SLC26A7: variants seen among roughly 807,000 people sequenced by gnomAD.
The protein encoded by SLC26A7 is anion exchange transporter.
SLC26A7 carries 59 observed loss-of-function variants against 82.5 expected under a neutral mutation model. The ratio of observed to expected loss-of-function variants is 0.72; its 90% confidence interval spans 0.58 to 0.89. SLC26A7 has a LOEUF of 0.89. SLC26A7 is among the 40% of genes least tolerant of loss of function. The pLI, the probability that SLC26A7 is intolerant of heterozygous loss-of-function variation, is 0.00. For synonymous variants in SLC26A7, 271 were observed against 274.3 expected, an observed-to-expected ratio of 0.99 and a Z score of 0.12; for missense variants, 820 against 793.0, an observed-to-expected ratio of 1.03 and a Z score of -0.41.
intron 2 of SLC26A7, among the ~76,000 whole-genome samples, chr8:91,258,902 G>A (rs995702737): frequency 6.6e-6 from 1 of 152,054 alleles, no homozygotes; most frequent in Admixed American, 6.6e-5. Context: ...TTTGAGTTAG[G>A]TAGTGGAAAC....
intron 1 of SLC26A7, among the ~76,000 whole-genome samples, chr8:91,215,484 T>A (rs2130653754): frequency 6.6e-6 from 1 of 152,294 alleles, no homozygotes; most frequent in East Asian, 1.9e-4. Flanking sequence ...CAAAGAGTAA[T>A]ATTTGAATTT....
Position 91,340,428 on chromosome 8 carries a change from G to T in SLC26A7, c.903G>T (p.Pro301=), listed in dbSNP as rs1011789965. The change falls in exon 8 of 19, where the codon CCG becomes CCT. Residue 301 remains proline, a synonymous_variant. Coordinates refer to ENST00000276609, the MANE Select transcript of SLC26A7 (RefSeq NM_052832.4). ...PQGIPSPRAP[P]MNILSAVITE... ...GAATTCCCTCACCTAGAGCTCCCCC[G>T]ATGAACATCCTCTCTGCGGTGATCA... 6.2e-7 allele frequency: 1 copy of T among 1,613,860 alleles called. No individual in the cohort carries two copies. Among genetic ancestry groups the T allele is most frequent in the Non-Finnish European group, 8.5e-7 (1 of 1,179,862 alleles).
chr8:91,332,609 C>T (rs940083794), intron 5 of SLC26A7, among the ~76,000 whole-genome samples: 1 of 150,160 alleles, frequency 6.7e-6, no homozygotes, highest in African/African-American at 2.5e-5. Context: ...CTCACTGTAA[C>T]CTAGAACTCC....
intron 3 of SLC26A7, among the ~76,000 whole-genome samples, chr8:91,289,465 T>A (rs1232850021): frequency 6.6e-6 from 1 of 152,192 alleles, no homozygotes; most frequent in East Asian, 1.9e-4. Context: ...TTCTTTGCAT[T>A]TTTGAGTTGC....
At chr8:91,239,391 A>ATAT (rs1385660578) in intron 2 of SLC26A7, among the ~76,000 whole-genome samples, 35 of 105,230 alleles carry the variant, frequency 3.3e-4, no homozygotes, top group African/African-American at 1.1e-3. Flanking sequence ...AAAAAAAAAA[A>ATAT]AAAAATATAT....
intron 1 of SLC26A7, among the ~76,000 whole-genome samples, chr8:91,217,694 A>C (rs1428788123): frequency 6.6e-6 from 1 of 152,196 alleles, no homozygotes; most frequent in African/African-American, 2.4e-5. Flanking sequence ...AGTTGCCCAA[A>C]GGAAAAACAG....
At chr8:91,277,114 T>C (rs1811427541) in intron 2 of SLC26A7, among the ~76,000 whole-genome samples, 1 of 152,182 alleles carries the variant, frequency 6.6e-6, no homozygotes. Flanking sequence ...CTTCCAGTGA[T>C]TTCTTCATTG....
intron 2 of SLC26A7, among the ~76,000 whole-genome samples, chr8:91,222,231 A>C (rs2130664612): frequency 6.6e-6 from 1 of 152,268 alleles, no homozygotes; most frequent in South Asian, 2.1e-4. Flanking sequence ...TTGTATCCTG[A>C]GACTGCTGAA....
intron 5 of SLC26A7, among the ~76,000 whole-genome samples, chr8:91,323,286 C>A (rs1349854651): frequency 6.6e-6 from 1 of 152,124 alleles, no homozygotes; most frequent in East Asian, 1.9e-4. Context: ...GAAGATGTGG[C>A]AGGTTTAATT....
At chr8:91,239,912 G>A (rs1025596241) in intron 2 of SLC26A7, among the ~76,000 whole-genome samples, 6 of 152,150 alleles carry the variant, frequency 3.9e-5, no homozygotes, top group African/African-American at 1.4e-4. Flanking sequence ...CGTTTTTAAT[G>A]TATTAAGACA....
intron 2 of SLC26A7, among the ~76,000 whole-genome samples, chr8:91,241,805 C>T (rs1043557084): frequency 1.3e-5 from 2 of 152,102 alleles, no homozygotes; most frequent in African/African-American, 2.4e-5. Flanking sequence ...TAAAAAGCTG[C>T]GTGACCGTAT....
intron 4 of SLC26A7, among the ~76,000 whole-genome samples, chr8:91,313,780 A>G (rs758755679): frequency 5.3e-5 from 8 of 152,216 alleles, no homozygotes; most frequent in Non-Finnish European, 1.2e-4. Flanking sequence ...TTCAATAAAT[A>G]TTAATTGAAT....
At chr8:91,284,848 T>G (rs953759756) in intron 2 of SLC26A7, among the ~76,000 whole-genome samples, 2 of 152,216 alleles carry the variant, frequency 1.3e-5, no homozygotes, top group Non-Finnish European at 2.9e-5. Context: ...GGTTGTAATA[T>G]TATTTAATAT....
chr8:91,331,571 T>C (rs1813082545), intron 5 of SLC26A7, among the ~76,000 whole-genome samples: 2 of 152,178 alleles, frequency 1.3e-5, no homozygotes, highest in Non-Finnish European at 2.9e-5. Flanking sequence ...TTCAAAAGTG[T>C]TTATTTTTCA....
At chr8:91,290,769 C>T (rs1369115588) in intron 3 of SLC26A7, among the ~76,000 whole-genome samples, 1 of 152,150 alleles carries the variant, frequency 6.6e-6, no homozygotes, top group Non-Finnish European at 1.5e-5. Flanking sequence ...CATAATTCTG[C>T]CTACTACATT....
At chr8:91,318,597 A>G (rs1014234808) in intron 5 of SLC26A7, among the ~76,000 whole-genome samples, 3 of 152,182 alleles carry the variant, frequency 2.0e-5, no homozygotes, top group African/African-American at 7.2e-5. Flanking sequence ...GAACAATGGA[A>G]TATGAGCTAA....
chr8:91,302,827 T>TTTTTTC (rs1812205173), intron 4 of SLC26A7, among the ~76,000 whole-genome samples: 1 of 151,612 alleles, frequency 6.6e-6, no homozygotes, highest in Non-Finnish European at 1.5e-5. Flanking sequence ...TCTTTTTTTT[T>TTTTTTC]TTTTTTTGGT....
At chr8:91,286,836 T>C (rs1432725397) in intron 2 of SLC26A7, among the ~76,000 whole-genome samples, 1 of 152,204 alleles carries the variant, frequency 6.6e-6, no homozygotes, top group Non-Finnish European at 1.5e-5. Flanking sequence ...CAGTTTATAT[T>C]ATGAACCAGA....
chr8:91,224,436 C>A (rs1011711678), intron 2 of SLC26A7, among the ~76,000 whole-genome samples: 2 of 152,148 alleles, frequency 1.3e-5, no homozygotes, highest in African/African-American at 4.8e-5. Context: ...ATAGTCAGGA[C>A]CCTCTTCTGT....
Sources: allele counts gnomAD v4.1 joint callset (sites outside exome capture counted in the v4.1 genomes callset), GRCh38; gene constraint gnomAD v4.1.1; transcripts MANE v1.5; gene names NCBI Gene and HGNC (gene_info 2026-07-23, HGNC 2026-07-21).